THEMIS: variants seen among roughly 807,000 people sequenced by gnomAD.
THEMIS encodes the protein protein THEMIS.
Under a neutral mutation model 52.6 loss-of-function variants are expected in THEMIS, and 37 were observed. That is an observed-to-expected ratio of 0.70 (90% CI 0.54 to 0.93). THEMIS has a LOEUF of 0.93. THEMIS is among the 40% of genes least tolerant of loss of function. The pLI is 0.00. For synonymous variants in THEMIS, 292 were observed against 272.7 expected, an observed-to-expected ratio of 1.07 and a Z score of -0.70; for missense variants, 808 against 763.1, an observed-to-expected ratio of 1.06 and a Z score of -0.69.
At chr6:127,762,478 C>T (rs960909009) in intron 4 of THEMIS, among the ~76,000 whole-genome samples, 1 of 152,018 alleles carries the variant, frequency 6.6e-6, no homozygotes, top group Non-Finnish European at 1.5e-5. Context: ...AAATCTAAAG[C>T]GCTTATCATT....
intron 4 of THEMIS, among the ~76,000 whole-genome samples, chr6:127,805,736 A>G (rs961438353): frequency 1.3e-5 from 2 of 152,132 alleles, no homozygotes; most frequent in Admixed American, 6.6e-5. Flanking sequence ...AACATCACCG[A>G]AGATTAAAAG....
chr6:127,879,754 G>A (rs186413909), intron 1 of THEMIS, among the ~76,000 whole-genome samples: 3 of 152,130 alleles, frequency 2.0e-5, no homozygotes, highest in African/African-American at 7.2e-5. Context: ...GGGGAAGAAG[G>A]ATGGAGAAGC....
chr6:127,710,736 C>T (rs369545908), intron 5 of THEMIS, among the ~76,000 whole-genome samples: 4 of 151,842 alleles, frequency 2.6e-5, no homozygotes, highest in Non-Finnish European at 5.9e-5. Flanking sequence ...TTATGGAGCG[C>T]GATGGATGGG....
intron 1 of THEMIS, among the ~76,000 whole-genome samples, chr6:127,885,046 C>G (rs1055745807): frequency 4.6e-5 from 7 of 152,136 alleles, no homozygotes; most frequent in Admixed American, 6.6e-5. Flanking sequence ...TCTTCTAATG[C>G]AGTCACACTA....
the THEMIS span, among the ~76,000 whole-genome samples, chr6:127,701,432 T>C: frequency 6.6e-6 from 1 of 152,162 alleles, no homozygotes; most frequent in East Asian, 1.9e-4. Flanking sequence ...TGTTTGCCTA[T>C]TCTACTACTC....
Position 127,832,777 on chromosome 6 carries a change from C to CTTTTTTTTTTTTTT in THEMIS, c.251-2857_251-2844dup, listed in dbSNP as rs11355741. 2.9e-3 allele frequency among the ~76,000 whole-genome samples: 165 copies of CTTTTTTTTTTTTTT among 57,804 alleles called. 33 individuals are homozygous for CTTTTTTTTTTTTTT. Among genetic ancestry groups the CTTTTTTTTTTTTTT allele is most frequent in the South Asian group, 7.5e-3 (8 of 1,064 alleles). The allele number at this position is 57,804 out of a possible 152,430, so 37.9% of individuals were successfully genotyped here. On this transcript the variant is annotated intron_variant, in intron 2 of 5. Coordinates refer to ENST00000368248, the MANE Select transcript of THEMIS (RefSeq NM_001010923.3). ...CTATTTCCACCTAGGATTGTCAGAT[C>CTTTTTTTTTTTTTT]TTTTTTTTTTTTTTTTTTTTTTTTG...
At chr6:127,757,230 G>A (rs184484256) in intron 4 of THEMIS, among the ~76,000 whole-genome samples, 46 of 152,234 alleles carry the variant, frequency 3.0e-4, no homozygotes, top group Non-Finnish European at 6.0e-4. Flanking sequence ...ATTATGCCAC[G>A]GATTTCTGCA....
intron 1 of THEMIS, among the ~76,000 whole-genome samples, chr6:127,891,713 T>C (rs1269089643): frequency 6.6e-6 from 1 of 152,100 alleles, no homozygotes; most frequent in African/African-American, 2.4e-5. Context: ...CACTAATGCC[T>C]GTTCTCCCCA....
intron 1 of THEMIS, among the ~76,000 whole-genome samples, chr6:127,914,035 G>A (rs946050546): frequency 1.3e-5 from 2 of 152,114 alleles, no homozygotes; most frequent in Admixed American, 1.3e-4. Flanking sequence ...ATATCTTGGG[G>A]ATGGGGCCCA....
At chr6:127,773,611 T>C (rs1776459141) in intron 4 of THEMIS, among the ~76,000 whole-genome samples, 1 of 152,172 alleles carries the variant, frequency 6.6e-6, no homozygotes, top group Non-Finnish European at 1.5e-5. Flanking sequence ...GTATCTTCTT[T>C]GCTGCCAAGA....
chr6:127,873,764 A>G (rs1431437652), intron 1 of THEMIS, among the ~76,000 whole-genome samples: 3 of 152,214 alleles, frequency 2.0e-5, no homozygotes, highest in Admixed American at 2.0e-4. Context: ...CAATTAACAC[A>G]TATTTTGTAT....
At chr6:127,736,541 A>T (rs932594167) in intron 4 of THEMIS, among the ~76,000 whole-genome samples, 1 of 152,232 alleles carries the variant, frequency 6.6e-6, no homozygotes, top group African/African-American at 2.4e-5. Context: ...TAAAATTTCT[A>T]TGCAAGTATG....
chr6:127,813,737 G>C lies in THEMIS; in HGVS notation c.904C>G (p.Gln302Glu), dbSNP rs756380182. The C allele has an allele frequency of 1.9e-6, 3 of 1,613,922 alleles. No individual in the cohort carries two copies. Among genetic ancestry groups the C allele is most frequent in the Non-Finnish European group, 2.5e-6 (3 of 1,179,936 alleles). The change falls in exon 4 of 6, where the codon CAG becomes GAG. Residue 302 changes from glutamine (Q) to glutamate (E), a missense_variant. By Grantham distance (29) the Gln-to-Glu change is conservative. Coordinates refer to ENST00000368248, the MANE Select transcript of THEMIS (RefSeq NM_001010923.3). ...TGGATCACAATGGTTTTCCCAGGCT[G>C]TAAAATGCTTTGGGGCAGGTGGTTT... ...EGNHLPQSIL[Q>E]PGKTIVIHKK...
intron 4 of THEMIS, among the ~76,000 whole-genome samples, chr6:127,729,151 T>C (rs1374833182): frequency 1.1e-4 from 2 of 18,606 alleles, no homozygotes; most frequent in East Asian, 1.0e-3. Flanking sequence ...TCTCTCTCTC[T>C]CTCTCTCTCT....
intron 4 of THEMIS, among the ~76,000 whole-genome samples, chr6:127,744,144 T>C (rs1482243721): frequency 6.6e-6 from 1 of 152,080 alleles, no homozygotes; most frequent in East Asian, 1.9e-4. Context: ...CTTTATTGGG[T>C]TTACCAGAGT....
intron 4 of THEMIS, among the ~76,000 whole-genome samples, chr6:127,746,911 AT>A (rs1397837653): frequency 2.1e-4 from 13 of 63,264 alleles, no homozygotes; most frequent in South Asian, 1.2e-3. Context: ...TATATTATAT[AT>A]AATTATATAT....
chr6:127,889,351 AT>A (rs1780736790), intron 1 of THEMIS, among the ~76,000 whole-genome samples: 1 of 152,094 alleles, frequency 6.6e-6, no homozygotes, highest in Admixed American at 6.6e-5. Context: ...TTTTCCTCAG[AT>A]TTGTTCTTTG....
At chr6:127,916,992 T>C (rs1781540583) in intron 1 of THEMIS, among the ~76,000 whole-genome samples, 1 of 152,196 alleles carries the variant, frequency 6.6e-6, no homozygotes, top group African/African-American at 2.4e-5. Context: ...ACTTCAAGAT[T>C]AGGACTAGAA....
At chr6:127,796,255 A>G (rs1777326865) in intron 4 of THEMIS, among the ~76,000 whole-genome samples, 1 of 152,082 alleles carries the variant, frequency 6.6e-6, no homozygotes, top group East Asian at 1.9e-4. Context: ...GAGATGAAAA[A>G]CCTTGAAGTG....
Sources: allele counts gnomAD v4.1 joint callset (sites outside exome capture counted in the v4.1 genomes callset), GRCh38; gene constraint gnomAD v4.1.1; transcripts MANE v1.5; gene names NCBI Gene and HGNC (gene_info 2026-07-23, HGNC 2026-07-21).